SIK2: variants seen among roughly 807,000 people sequenced by gnomAD.
SIK2 encodes the protein serine/threonine-protein kinase SIK2.
A neutral mutation model predicts 103.2 loss-of-function variants in SIK2; 29 were observed. The observed-to-expected ratio is 0.28, with a 90% confidence interval of 0.21 to 0.38. SIK2 has a LOEUF of 0.38. SIK2 is among the 10% of genes least tolerant of loss of function. The probability of loss-of-function intolerance (pLI) is 1.00; values close to 1 mark genes in which losing one functional copy is unlikely to be tolerated. For synonymous variants in SIK2, 412 were observed against 446.1 expected, an observed-to-expected ratio of 0.92 and a Z score of 0.96; for missense variants, 879 against 1,171.0, an observed-to-expected ratio of 0.75 and a Z score of 3.64.
At chr11:111,682,038 A>C (rs1942784216) in intron 3 of SIK2, among the ~76,000 whole-genome samples, 1 of 152,188 alleles carries the variant, frequency 6.6e-6, no homozygotes, top group Non-Finnish European at 1.5e-5. Context: ...GGAGTTTGAG[A>C]ACCATGATAT....
intron 3 of SIK2, among the ~76,000 whole-genome samples, chr11:111,650,762 TTA>T (rs1229030762): frequency 6.6e-6 from 1 of 152,076 alleles, no homozygotes; most frequent in Non-Finnish European, 1.5e-5. Context: ...TTTCATAAAG[TTA>T]TATAAGGTAG....
chr11:111,659,960 C>T (rs1942446015), intron 3 of SIK2, among the ~76,000 whole-genome samples: 1 of 152,170 alleles, frequency 6.6e-6, no homozygotes, highest in African/African-American at 2.4e-5. Flanking sequence ...ATGGCTACAG[C>T]AATTTCAGGT....
intron 3 of SIK2, among the ~76,000 whole-genome samples, chr11:111,626,494 A>G (rs1941962608): frequency 2.0e-5 from 3 of 151,170 alleles, no homozygotes; most frequent in Admixed American, 1.3e-4. Context: ...AATCCTGCCT[A>G]TTCTACTTCC....
chr11:111,692,709 A>G (rs1291300993), intron 4 of SIK2, among the ~76,000 whole-genome samples: 1 of 152,050 alleles, frequency 6.6e-6, no homozygotes. Context: ...ATCTCTGAGA[A>G]CTCTTAAATC....
intron 9 of SIK2, among the ~76,000 whole-genome samples, chr11:111,719,494 G>C (rs959932535): frequency 6.6e-6 from 1 of 151,062 alleles, no homozygotes; most frequent in Non-Finnish European, 1.5e-5. Context: ...TGTTCTTCTG[G>C]AAACCACTAA....
chr11:111,719,794 A>G lies in SIK2; in HGVS notation c.1286A>G (p.Asp429Gly), dbSNP rs760861373. 3 of 1,613,420 alleles carry G rather than the reference A, an allele frequency of 1.9e-6. No homozygotes were observed. In the African/African-American group the frequency reaches 4.0e-5, roughly 22 times the overall value. The change falls in exon 10 of 15, where the codon GAC becomes GGC. Residue 429 changes from aspartate to glycine, a missense_variant. Around this residue, in one of 7 missense-constraint regions of SIK2, gnomAD observed 222 missense variants for 258.0 expected, o/e 0.86. Transcript: ENST00000304987. Reference sequence around the variant, plus strand: ...GTTTAGGTCAATGGCTGTCTGCTTGACCCTGTGCCTCCTGTCCTGGTGCGG... The same window carrying G: ...GTTTAGGTCAATGGCTGTCTGCTTGGCCCTGTGCCTCCTGTCCTGGTGCGG... ...DTPKVNGCLL[D>G]PVPPVLVRKG...
At position 111,724,420 on chromosome 11, in the gene SIK2, A is replaced by G; in HGVS notation, c.*291A>G. On this transcript the variant is annotated 3_prime_UTR_variant, in exon 15 of 15. Transcript: ENST00000304987. ...GGGCAGCACTGACAAATGTGTTCCT[A>G]AGAAGACATTCAGACCCAGGTGTTA... The G allele has an allele frequency of 1.2e-5, 5 of 425,540 alleles. No individual in the cohort carries two copies. The highest frequency in any genetic ancestry group is 2.1e-5 in the Non-Finnish European group (5 of 234,338). 26.4% of individuals were successfully genotyped at this position (425,540 alleles called of 1,614,324 possible).
chr11:111,684,571 T>C (rs1942820479), intron 3 of SIK2, among the ~76,000 whole-genome samples: 1 of 152,236 alleles, frequency 6.6e-6, no homozygotes, highest in Non-Finnish European at 1.5e-5. Context: ...TCAAAAGATA[T>C]TCTCTTATAG....
At chr11:111,628,929 G>A (rs1942001595) in intron 3 of SIK2, among the ~76,000 whole-genome samples, 1 of 152,148 alleles carries the variant, frequency 6.6e-6, no homozygotes, top group African/African-American at 2.4e-5. Flanking sequence ...AGTATTAGGA[G>A]TAGGAGAAGG....
chr11:111,624,540 T>C (rs1941936828), intron 3 of SIK2, among the ~76,000 whole-genome samples: 1 of 152,252 alleles, frequency 6.6e-6, no homozygotes, highest in South Asian at 2.1e-4. Context: ...TCCTATTTCT[T>C]ACATTCACTT....
In SIK2 at chr11:111,724,359, G is replaced by T. The variant is rs1331320616; in HGVS notation, c.*230G>T. On this transcript the variant is annotated 3_prime_UTR_variant, in exon 15 of 15. Coordinates refer to ENST00000304987, the MANE Select transcript of SIK2 (RefSeq NM_015191.3). Reference sequence around the variant, plus strand: ...TGCTGGAACATAGTTGTAGGCTGAGGCTCCTGCCCTTCGGTCGAGTGGAGC... The same window carrying T: ...TGCTGGAACATAGTTGTAGGCTGAGTCTCCTGCCCTTCGGTCGAGTGGAGC... 3.4e-6 allele frequency: 2 copies of T among 584,266 alleles called. No individual in the cohort carries two copies. The highest frequency in any genetic ancestry group is 2.2e-5 in the South Asian group (1 of 44,666). The allele number at this position is 584,266 out of a possible 1,614,324, so 36.2% of individuals were successfully genotyped here. A position where few individuals can be genotyped will look rare whatever the true frequency, so the allele number is the denominator to read the frequency against.
At chr11:111,651,272 C>G (rs1942322776) in intron 3 of SIK2, among the ~76,000 whole-genome samples, 1 of 151,772 alleles carries the variant, frequency 6.6e-6, no homozygotes, top group African/African-American at 2.4e-5. Context: ...AATGTGCTTA[C>G]AAAGACATGG....
intron 9 of SIK2, among the ~76,000 whole-genome samples, chr11:111,718,214 T>C (rs1341201702): frequency 1.3e-5 from 2 of 152,272 alleles, no homozygotes; most frequent in African/African-American, 4.8e-5. Context: ...CTTATTCATT[T>C]CTAAACCATT....
chr11:111,710,410 T>C (rs1157701007), intron 8 of SIK2, among the ~76,000 whole-genome samples: 1 of 152,204 alleles, frequency 6.6e-6, no homozygotes, highest in Non-Finnish European at 1.5e-5. Context: ...TTATACAGTA[T>C]AGCCAGTGAT....
intron 8 of SIK2, among the ~76,000 whole-genome samples, chr11:111,707,315 C>T (rs907127246): frequency 2.6e-5 from 4 of 152,156 alleles, no homozygotes; most frequent in East Asian, 3.8e-4. Flanking sequence ...TTATTGTACA[C>T]GATATCCTTT....
chr11:111,656,877 T>C (rs904358026), intron 3 of SIK2, among the ~76,000 whole-genome samples: 3 of 152,212 alleles, frequency 2.0e-5, no homozygotes, highest in African/African-American at 7.2e-5. Flanking sequence ...CCTTGAGAGA[T>C]AAATAGAAAC....
chr11:111,705,012 A>G lies in SIK2; in HGVS notation c.974A>G (p.His325Arg), dbSNP rs1197828909. Residue 325 changes from histidine (H) to arginine (R), a missense_variant, in exon 8 of 15, where the codon CAC becomes CGC. His to Arg is a conservative substitution (Grantham distance 29). Coordinates refer to ENST00000304987, the MANE Select transcript of SIK2 (RefSeq NM_015191.3). This position sits in a 1 kb window ranked among gnomAD's most constrained non-coding sequence, Gnocchi z 4.3. ...IESLQNKSYN[H>R]FAAIYFLLVE... ...TCTTTGCAGAACAAGAGCTATAACC[A>G]CTTTGCTGCCATTTATTTCTTGTTG... The G allele has an allele frequency of 3.7e-6, 6 of 1,607,340 alleles. No homozygotes were observed. Among genetic ancestry groups the G allele is most frequent in the Non-Finnish European group, 5.1e-6 (6 of 1,177,694 alleles).
intron 3 of SIK2, among the ~76,000 whole-genome samples, chr11:111,684,552 A>C (rs531454338): frequency 6.6e-6 from 1 of 152,244 alleles, no homozygotes; most frequent in African/African-American, 2.4e-5. Flanking sequence ...GAGAGATATT[A>C]TTAACTACTC....
chr11:111,681,334 A>T (rs930883513), intron 3 of SIK2, among the ~76,000 whole-genome samples: 3 of 152,214 alleles, frequency 2.0e-5, no homozygotes, highest in African/African-American at 7.2e-5. Flanking sequence ...CTGTTAAGGT[A>T]TCTCTTGACT....
Sources: allele counts gnomAD v4.1 joint callset (sites outside exome capture counted in the v4.1 genomes callset), GRCh38; gene constraint gnomAD v4.1.1; regional missense constraint gnomAD v4.1.1; non-coding constraint Gnocchi (gnomAD v3.1); transcripts MANE v1.5; gene names NCBI Gene and HGNC (gene_info 2026-07-23, HGNC 2026-07-21).